Variants in SENP1 observed in about 807,000 individuals in gnomAD.
The protein encoded by SENP1 is sentrin-specific protease 1.
SENP1 carries 21 observed loss-of-function variants against 93.0 expected under a neutral mutation model. The ratio of observed to expected loss-of-function variants is 0.23; its 90% CI spans 0.16 to 0.33. The LOEUF (loss-of-function observed/expected upper bound fraction) is 0.33. Among genes scored for constraint, SENP1 ranks in the 10% least tolerant of loss-of-function variants. The probability of loss-of-function intolerance (pLI) is 1.00; values close to 1 mark genes in which losing one functional copy is unlikely to be tolerated. For missense variants in SENP1, 591 were observed against 758.7 expected, an observed-to-expected ratio of 0.78 and a Z score of 2.60; for synonymous variants, 256 against 259.6, an observed-to-expected ratio of 0.99 and a Z score of 0.13.
chr12:48,086,402 T>C (rs898740373), intron 5 of SENP1, among the ~76,000 whole-genome samples: 2 of 152,218 alleles, frequency 1.3e-5, no homozygotes, highest in African/African-American at 2.4e-5. Flanking sequence ...TATTAATTAT[T>C]AGGTGATGGC....
intron 8 of SENP1, 134 bp from the exon 9 acceptor site, chr12:48,071,855 GGAGA>G (rs372958593): frequency 2.0e-5 from 11 of 561,854 alleles, no homozygotes; most frequent in African/African-American, 1.7e-4. Flanking sequence ...AGGTTAGATG[GGAGA>G]GAGAGAGAGG....
chr12:48,098,017 G>C lies in SENP1; in HGVS notation c.112C>G (p.Gln38Glu), dbSNP rs750068056. ...ACCTGCTGGTCAGAAAGCGAAAGCT[G>C]GTCCTCTGGAAAACCTGTTTGTGGC... is the stretch of plus-strand genomic sequence containing the variant. ...LLPQTGFPED[Q>E]LSLSDQQILS... The change falls in exon 3 of 18, where the codon CAG (glutamine) becomes GAG (glutamate). Residue 38 changes from glutamine (Q) to glutamate (E), a missense_variant. Gln to Glu is a conservative substitution (Grantham distance 29, BLOSUM62 2). This residue lies in a region of SENP1 where 214 missense variants were observed against 243.4 expected (regional missense o/e 0.88). Transcript: ENST00000549518. 4.3e-6 allele frequency: 7 copies of C among 1,613,710 alleles called. No homozygotes were observed. The South Asian group carries it at 7.7e-5, about 18-fold the overall frequency.
At chr12:48,070,486 T>C (rs1319468742) in intron 9 of SENP1, among the ~76,000 whole-genome samples, 1 of 152,106 alleles carries the variant, frequency 6.6e-6, no homozygotes, top group African/African-American at 2.4e-5. Flanking sequence ...GACTTCACAT[T>C]GTCCTTCATC....
chr12:48,085,067 G>T, intron 5 of SENP1: 1 of 1,298,456 alleles, frequency 7.7e-7, no homozygotes, highest in East Asian at 2.4e-5. Flanking sequence ...CAGGGATGGC[G>T]GGGAGAAGGA....
chr12:48,105,251 A>G, intron 1 of SENP1: 1 of 402,798 alleles, frequency 2.5e-6, no homozygotes, highest in Non-Finnish European at 5.0e-6. Context: ...CTTGAAAGTG[A>G]TAAAGAAGCA....
In SENP1 at chr12:48,048,945, A is replaced by G. The variant is rs1444418598; in HGVS notation, c.1595T>C (p.Val532Ala). The G allele has an allele frequency of 6.2e-7, 1 of 1,612,086 alleles. No homozygotes were observed. Among genetic ancestry groups the G allele is most frequent in the South Asian group, 1.1e-5 (1 of 91,026 alleles). ...GGTACTCACAGCTAGACACCAGTGT[A>G]CTCCCAGGTGAATGGGCACCAAAAG... The part of the protein sequence containing the change: ...DILLVPIHLG[V>A]HWCLAVVDFR... Residue 532 changes from valine to alanine, a missense_variant, in exon 14 of 18, where the codon GTA becomes GCA. Physicochemically the swap from Val to Ala is moderately conservative, Grantham distance 64. This residue lies in a region of SENP1 where 132 missense variants were observed against 230.1 expected (regional missense o/e 0.57). Transcript: ENST00000549518.
chr12:48,089,366 C>A (rs140696666), intron 4 of SENP1: 1 of 1,281,994 alleles, frequency 7.8e-7, no homozygotes, highest in African/African-American at 1.5e-5. Flanking sequence ...AAATGAACAA[C>A]AGTTATTGAT....
intron 6 of SENP1, among the ~76,000 whole-genome samples, chr12:48,077,355 G>A (rs763969329): frequency 5.3e-5 from 8 of 152,280 alleles, no homozygotes; most frequent in Admixed American, 1.3e-4. Flanking sequence ...GACCACTGTC[G>A]TGTAGTTTTT....
chr12:48,085,645 C>T (rs1299744480), intron 5 of SENP1, among the ~76,000 whole-genome samples: 1 of 150,086 alleles, frequency 6.7e-6, no homozygotes, highest in Non-Finnish European at 1.5e-5. Flanking sequence ...TCTCTCTCCA[C>T]TACCTCTTCC....
chr12:48,078,613 C>T (rs879494519), intron 6 of SENP1, among the ~76,000 whole-genome samples: 11 of 151,736 alleles, frequency 7.2e-5, no homozygotes, highest in South Asian at 2.1e-4. Context: ...CTCCGCCTCC[C>T]GGGTTCAAGC....
chr12:48,060,651 C>G (rs1333915134), intron 13 of SENP1, among the ~76,000 whole-genome samples: 1 of 152,184 alleles, frequency 6.6e-6, no homozygotes, highest in African/African-American at 2.4e-5. Context: ...GTTGCACAAT[C>G]ATAACTCACT....
At chr12:48,065,778 GA>G in intron 10 of SENP1, 98 bp from the exon 11 acceptor site, 1 of 732,792 alleles carries the variant, frequency 1.4e-6, no homozygotes, top group Non-Finnish European at 2.3e-6. Context: ...CCCTCACAAA[GA>G]AAGTCTAAAA....
chr12:48,056,327 A>AATATTATTTAATATATTACATATAAT (rs1490155174), intron 13 of SENP1, among the ~76,000 whole-genome samples: 23 of 90,958 alleles, frequency 2.5e-4, no homozygotes, highest in Non-Finnish European at 3.5e-4. Context: ...CACATATATA[A>AATATTATTTAATATATTACATATAAT]ATATTATTTA....
At chr12:48,050,422 A>G (rs930333102) in intron 13 of SENP1, among the ~76,000 whole-genome samples, 2 of 152,316 alleles carry the variant, frequency 1.3e-5, no homozygotes, top group Non-Finnish European at 2.9e-5. Context: ...CGGGAAAACC[A>G]CACTCGCCAT....
At chr12:48,078,366 T>C (rs200683222) in intron 6 of SENP1, among the ~76,000 whole-genome samples, 10 of 112,200 alleles carry the variant, frequency 8.9e-5, no homozygotes, top group African/African-American at 2.6e-4. Flanking sequence ...CACACACACA[T>C]ACACATATAT....
intron 1 of SENP1, 136 bp from the exon 2 acceptor site, chr12:48,101,652 CTT>C: frequency 1.8e-6 from 1 of 560,172 alleles, no homozygotes; most frequent in Admixed American, 3.9e-5. Flanking sequence ...AAAGAGTTGA[CTT>C]GATGGGAAAA....
intron 13 of SENP1, among the ~76,000 whole-genome samples, chr12:48,053,173 G>C (rs1941948680): frequency 6.6e-6 from 1 of 152,026 alleles, no homozygotes; most frequent in Non-Finnish European, 1.5e-5. Flanking sequence ...TATATATTCT[G>C]AAAGTTAGAA....
intron 6 of SENP1, among the ~76,000 whole-genome samples, 177 bp downstream of exon 6, chr12:48,083,414 C>CCTCTTTA (rs1050608738): frequency 1.3e-5 from 2 of 151,972 alleles, no homozygotes; most frequent in African/African-American, 4.8e-5. Flanking sequence ...TGCTAAAACA[C>CCTCTTTA]CTCTTTAATC....
chr12:48,088,985 AT>A, intron 4 of SENP1, 25 bp from the exon 5 acceptor site: 1 of 1,576,342 alleles, frequency 6.3e-7, no homozygotes, highest in Non-Finnish European at 8.6e-7. Context: ...GTTTGAATAA[AT>A]TAAACAAATT....
Sources: gnomAD v4.1 joint callset for allele counts (sites outside exome capture counted in the v4.1 genomes callset) on GRCh38, gnomAD v4.1.1 for gene constraint, gnomAD v4.1.1 regional missense constraint, MANE v1.5 for transcripts, NCBI Gene and HGNC (gene_info 2026-07-23, HGNC 2026-07-21) for gene names.